SPATA9: variants seen among roughly 807,000 people sequenced by gnomAD.
SPATA9 encodes spermatogenesis-associated protein 9.
SPATA9 carries 27 observed loss-of-function variants against 25.5 expected under a neutral mutation model. That is an observed-to-expected ratio of 1.06 (90% CI 0.78 to 1.46). The LOEUF is 1.46. Ranked by LOEUF, SPATA9 falls within the 40% of genes most tolerant of loss-of-function variation. The pLI, the probability that SPATA9 is intolerant of heterozygous loss-of-function variation, is 0.00. For missense variants in SPATA9, 282 were observed against 297.5 expected (o/e 0.95, Z 0.38); for synonymous variants, 102 against 105.7 (o/e 0.97, Z 0.21).
chr5:95,653,159 T>C (rs572693940), exon 9 of SPATA9: 1 of 1,551,768 alleles, frequency 6.4e-7, no homozygotes, highest in East Asian at 2.4e-5. Flanking sequence ...TCTAGTTCAT[T>C]TGCATTTTGG....
At chr5:95,728,328 G>C in the SPATA9 span, among the ~76,000 whole-genome samples, 1 of 152,168 alleles carries the variant, frequency 6.6e-6, no homozygotes, top group African/African-American at 2.4e-5. Context: ...CCTAAGACAA[G>C]CCATGATCTT....
At chr5:95,675,724 A>G (rs1449465306) in intron 2 of SPATA9, 85 bp from the exon 3 acceptor site, 3 of 1,038,644 alleles carry the variant, frequency 2.9e-6, no homozygotes, top group South Asian at 3.0e-5. Context: ...TGACTACTAT[A>G]TAACTACATT....
chr5:95,711,571 G>T, the SPATA9 span, among the ~76,000 whole-genome samples: 1 of 152,194 alleles, frequency 6.6e-6, no homozygotes, highest in Non-Finnish European at 1.5e-5. Context: ...GGCCGCAGTC[G>T]AGAGGCAATG....
At chr5:95,686,768 A>G (rs1753758234), upstream of SPATA9, among the ~76,000 whole-genome samples, 1 of 152,164 alleles carries the variant, frequency 6.6e-6, no homozygotes, top group Non-Finnish European at 1.5e-5. Flanking sequence ...CAATGCCTTA[A>G]TAATCAGAGG....
chr5:95,675,749 G>T, intron 2 of SPATA9, 110 bp from the exon 3 acceptor site: 2 of 761,072 alleles, frequency 2.6e-6, no homozygotes, highest in Non-Finnish European at 4.1e-6. Flanking sequence ...ATGGTGTCAT[G>T]CATATATTCA....
intron 4 of SPATA9, among the ~76,000 whole-genome samples, chr5:95,660,755 G>T (rs1300922853): frequency 3.9e-5 from 6 of 152,070 alleles, no homozygotes; most frequent in Admixed American, 1.3e-4. Context: ...AGGAATGAAC[G>T]GTCTTGATCA....
the SPATA9 span, chr5:95,731,473 C>A: frequency 1.6e-6 from 2 of 1,222,902 alleles, no homozygotes; most frequent in Non-Finnish European, 2.0e-6. Context: ...AGCTTATCCC[C>A]CGCCCGCTAG....
At chr5:95,655,816 A>C, downstream of SPATA9, 1 of 470,466 alleles carries the variant, frequency 2.1e-6, no homozygotes, top group Non-Finnish European at 3.7e-6. Context: ...TAGTTGCCTG[A>C]GCATGTCAGT....
intron 3 of SPATA9, among the ~76,000 whole-genome samples, chr5:95,671,566 C>T (rs462319): frequency 0.6 from 90,878 of 151,810 alleles, 27,835 homozygotes; most frequent in African/African-American, 0.72. Flanking sequence ...CCTGCCATCA[C>T]GCCCAGCTAA....
At chr5:95,656,348 G>T, downstream of SPATA9, 1 of 1,505,122 alleles carries the variant, frequency 6.6e-7, no homozygotes, top group African/African-American at 1.4e-5. Context: ...GTGTATGCTT[G>T]AAAACATTTT....
the SPATA9 span, chr5:95,713,595 G>A: frequency 6.6e-6 from 1 of 151,960 alleles, no homozygotes; most frequent in Admixed American, 6.6e-5. Flanking sequence ...AGAATTGTGA[G>A]CCATTAAATC....
chr5:95,683,149 T>C (rs1180399291), upstream of SPATA9: 1 of 494,728 alleles, frequency 2.0e-6, no homozygotes, highest in Non-Finnish European at 3.0e-6. Flanking sequence ...TTCTATGATA[T>C]AAGTTGAAAT....
chr5:95,677,409 T>C (rs959372377), intron 2 of SPATA9, among the ~76,000 whole-genome samples: 3 of 152,202 alleles, frequency 2.0e-5, no homozygotes, highest in Admixed American at 6.5e-5. Context: ...AATATTACAT[T>C]AGAAACCACA....
chr5:95,652,991 A>T, exon 9 of SPATA9: 1 of 1,318,298 alleles, frequency 7.6e-7, no homozygotes, highest in South Asian at 1.5e-5. Flanking sequence ...AGTAAAATCC[A>T]TACACAGCAC....
the SPATA9 span, chr5:95,731,513 C>G: frequency 9.6e-6 from 12 of 1,256,084 alleles, no homozygotes; most frequent in Non-Finnish European, 1.1e-5. Flanking sequence ...CGCTCGCTGG[C>G]TGGCGCGGCC....
At chr5:95,700,430 G>C (rs1047573221), upstream of SPATA9, among the ~76,000 whole-genome samples, 2 of 152,102 alleles carry the variant, frequency 1.3e-5, no homozygotes, top group African/African-American at 2.4e-5. Flanking sequence ...CTCCAGAGTA[G>C]CTGGGATTAC....
rs1750969988 is a variant in SPATA9, at chr5:95,658,797, C to T, written c.591G>A (p.Val197=). The change falls in exon 5 of 5, where the codon GTG becomes GTA. Residue 197 remains valine (V), a synonymous_variant. Transcript: ENST00000274432. The part of the protein sequence containing the change: ...ENCRKAFSEP[V]LSEPMFAEGE... ...CTTCAGCAAACATAGGCTCCGAAAG[C>T]ACAGGCTCAGAAAAGGCTTTTCTAC... The T allele has an allele frequency of 6.2e-7, 1 of 1,613,928 alleles. No individual in the cohort carries two copies. The highest frequency in any genetic ancestry group is 8.5e-7 in the Non-Finnish European group (1 of 1,179,930).
At chr5:95,689,249 C>T (rs1753825065) in intron 1 of SPATA9, among the ~76,000 whole-genome samples, 1 of 152,106 alleles carries the variant, frequency 6.6e-6, no homozygotes. Context: ...TAATTGGAAA[C>T]AGTCCATTAT....
At chr5:95,723,695 C>G in the SPATA9 span, among the ~76,000 whole-genome samples, 323 of 152,292 alleles carry the variant, frequency 2.1e-3, 2 homozygotes, top group Middle Eastern at 0.014. Flanking sequence ...TGCAGCTTAT[C>G]TGTGTTGCTT....
Sources: gnomAD v4.1 joint callset for allele counts (sites outside exome capture counted in the v4.1 genomes callset) on GRCh38, gnomAD v4.1.1 for gene constraint, MANE v1.5 for transcripts, NCBI Gene and HGNC (gene_info 2026-07-23, HGNC 2026-07-21) for gene names.